The following ZFYVE9 variants were observed in gnomAD, a reference collection of about 807,000 sequenced individuals.
The protein encoded by ZFYVE9 is zinc finger FYVE domain-containing protein 9.
A neutral mutation model predicts 126.7 loss-of-function variants in ZFYVE9; 43 were observed. The ratio of observed to expected loss-of-function variants is 0.34; its 90% CI spans 0.27 to 0.44. The LOEUF is 0.44. Ranked by LOEUF, ZFYVE9 falls within the 20% of genes least tolerant of loss-of-function variation. The pLI is 1.00. For missense variants in ZFYVE9, 1,476 were observed against 1,697.0 expected (o/e 0.87, Z 2.29); for synonymous variants, 521 against 597.4 (o/e 0.87, Z 1.87).
chr1:52,274,288 A>G (rs144372753), intron 7 of ZFYVE9, among the ~76,000 whole-genome samples, 176 bp from the exon 8 acceptor site: 133 of 152,302 alleles, frequency 8.7e-4, no homozygotes, highest in Non-Finnish European at 1.8e-3. Flanking sequence ...TTCATAGTAT[A>G]AGCCTGATTT....
intron 13 of ZFYVE9, among the ~76,000 whole-genome samples, chr1:52,318,058 TATACTA>T (rs925259151): frequency 1.6e-4 from 24 of 151,990 alleles, no homozygotes; most frequent in Admixed American, 1.3e-3. Context: ...AGGTCAGCCT[TATACTA>T]ATAACAAAAC....
chr1:52,262,308 T>C (rs1645587344), intron 4 of ZFYVE9, among the ~76,000 whole-genome samples: 1 of 152,196 alleles, frequency 6.6e-6, no homozygotes, highest in Admixed American at 6.5e-5. Context: ...TTTTGGAACA[T>C]TCATCTGTTT....
At chr1:52,284,423 A>AT (rs199926823) in intron 10 of ZFYVE9, among the ~76,000 whole-genome samples, 2,252 of 145,008 alleles carry the variant, frequency 0.016, 81 homozygotes, top group East Asian at 0.14. Flanking sequence ...TTTAGCATAA[A>AT]TTTTTTTTTT....
intron 2 of ZFYVE9, among the ~76,000 whole-genome samples, chr1:52,221,779 G>A (rs192968234): frequency 1.2e-4 from 19 of 152,272 alleles, no homozygotes; most frequent in Non-Finnish European, 2.5e-4. Context: ...GGAGGGCAAG[G>A]CCAGAATGGG....
intron 13 of ZFYVE9, among the ~76,000 whole-genome samples, chr1:52,327,053 C>T (rs866169508): frequency 4.0e-5 from 6 of 151,478 alleles, no homozygotes; most frequent in South Asian, 2.1e-4. Flanking sequence ...CCCAGCTACT[C>T]GGGAGGCTGA....
rs894691925 is a variant in ZFYVE9 at position 52,281,561 on chromosome 1, T to A, written c.2870-100T>A. 3.8e-6 allele frequency: 5 copies of A among 1,333,264 alleles called. No homozygotes were observed. In the Admixed American group the frequency reaches 8.7e-5, roughly 23 times the overall value. The allele number at this position is 1,333,264 out of a possible 1,614,324, so 82.6% of individuals were successfully genotyped here. On this transcript the variant is annotated intron_variant, in intron 9 of 18. Coordinates refer to ENST00000287727, the MANE Select transcript of ZFYVE9 (RefSeq NM_004799.4). Reference sequence around the variant, plus strand: ...TATACAGACTCAGTGTGATCTATTTTAATCTTTGCTGTATTGTAACACAGA... The same window carrying A: ...TATACAGACTCAGTGTGATCTATTTAAATCTTTGCTGTATTGTAACACAGA...
chr1:52,177,083 G>A lies in ZFYVE9; in HGVS notation c.-143+34680G>A, dbSNP rs923405437. On this transcript the variant is annotated intron_variant, in intron 1 of 18. Transcript: ENST00000287727. ...AATGCAGAAATCACCCATCTTCTGCGTCGCTCACGCTGGGAGCTGTAGACC... is the reference window on the plus strand; with the variant it reads ...AATGCAGAAATCACCCATCTTCTGCATCGCTCACGCTGGGAGCTGTAGACC... Among the ~76,000 whole-genome samples, 10 of 152,000 alleles carry A rather than the reference G, an allele frequency of 6.6e-5. No individual in the cohort carries two copies. The South Asian group carries it at 1.2e-3, about 19-fold the overall frequency.
At chr1:52,175,957 T>A (rs981171779) in intron 1 of ZFYVE9, among the ~76,000 whole-genome samples, 17 of 152,340 alleles carry the variant, frequency 1.1e-4, no homozygotes, top group African/African-American at 3.8e-4. Context: ...TCCTGTAGCT[T>A]GGAGTAGTTT....
chr1:52,242,137 T>C (rs1645340683), intron 4 of ZFYVE9, among the ~76,000 whole-genome samples: 1 of 149,724 alleles, frequency 6.7e-6, no homozygotes, highest in South Asian at 2.1e-4. Flanking sequence ...GCTCAGGCAA[T>C]TCTCCTGCCT....
At chr1:52,313,962 G>A (rs906831393) in intron 13 of ZFYVE9, among the ~76,000 whole-genome samples, 8 of 152,160 alleles carry the variant, frequency 5.3e-5, no homozygotes, top group East Asian at 1.9e-4. Context: ...TAAACAGCAC[G>A]TCATCGAGTT....
intron 4 of ZFYVE9, among the ~76,000 whole-genome samples, chr1:52,245,373 C>T (rs1464879991): frequency 6.6e-6 from 1 of 152,022 alleles, no homozygotes; most frequent in Admixed American, 6.6e-5. Flanking sequence ...TGCAGATGCT[C>T]TGCAGTGGGA....
At chr1:52,241,789 A>G (rs1002824299) in intron 4 of ZFYVE9, among the ~76,000 whole-genome samples, 1 of 152,180 alleles carries the variant, frequency 6.6e-6, no homozygotes, top group Admixed American at 6.5e-5. Context: ...ATAAACATAG[A>G]TACTAATTGG....
chr1:52,251,934 A>G (rs1055615065), intron 4 of ZFYVE9: 1 of 151,738 alleles, frequency 6.6e-6, no homozygotes, highest in African/African-American at 2.4e-5. Flanking sequence ...GTGTTTTTAG[A>G]AGTTTATCCA....
At chr1:52,171,474 C>G (rs1644568517) in intron 1 of ZFYVE9, among the ~76,000 whole-genome samples, 1 of 152,194 alleles carries the variant, frequency 6.6e-6, no homozygotes, top group Admixed American at 6.5e-5. Flanking sequence ...GTGCATGTGT[C>G]TTTACAGCAG....
At chr1:52,203,939 C>T (rs1317971756) in intron 1 of ZFYVE9, among the ~76,000 whole-genome samples, 1 of 152,054 alleles carries the variant, frequency 6.6e-6, no homozygotes, top group Non-Finnish European at 1.5e-5. Flanking sequence ...TCTATACTTT[C>T]ATTGCCCATC....
chr1:52,252,344 TTTTTG>T (rs58602754), intron 4 of ZFYVE9: 9,765 of 155,890 alleles, frequency 0.063, 509 homozygotes, highest in East Asian at 0.15. Flanking sequence ...TTTTGGGGTT[TTTTTG>T]TTTTGTTTTG....
intron 1 of ZFYVE9, among the ~76,000 whole-genome samples, chr1:52,176,582 C>G (rs1271312811): frequency 3.3e-5 from 5 of 152,236 alleles, no homozygotes; most frequent in Admixed American, 2.6e-4. Flanking sequence ...TTGTCTGTGC[C>G]CTGCCCCCAG....
intron 1 of ZFYVE9, among the ~76,000 whole-genome samples, chr1:52,167,034 A>G (rs1644520447): frequency 6.6e-6 from 1 of 152,264 alleles, no homozygotes; most frequent in African/African-American, 2.4e-5. Context: ...TGATTCCAAT[A>G]TAATTTAAAA....
intron 13 of ZFYVE9, among the ~76,000 whole-genome samples, chr1:52,315,082 G>T (rs561707231): frequency 1.3e-5 from 2 of 152,316 alleles, no homozygotes; most frequent in South Asian, 4.1e-4. Flanking sequence ...TGACAGAAAT[G>T]ATAAATTTAT....
Sources: gnomAD v4.1 joint callset for allele counts (sites outside exome capture counted in the v4.1 genomes callset) on GRCh38, gnomAD v4.1.1 for gene constraint, MANE v1.5 for transcripts, NCBI Gene and HGNC (gene_info 2026-07-23, HGNC 2026-07-21) for gene names.